ALCAM: variants seen among roughly 807,000 people sequenced by gnomAD.
ALCAM encodes the protein activated leukocyte cell adhesion molecule.
Under a neutral mutation model 70.9 loss-of-function variants are expected in ALCAM, and 30 were observed. The ratio of observed to expected loss-of-function variants is 0.42; its 90% CI spans 0.32 to 0.57. The LOEUF (loss-of-function observed/expected upper bound fraction) is 0.57, where lower values mean the gene tolerates loss of function less well. Ranked by LOEUF, ALCAM falls within the 20% of genes least tolerant of loss-of-function variation. The pLI is 0.11. For synonymous variants in ALCAM, 249 were observed against 242.5 expected, an observed-to-expected ratio of 1.03 and a Z score of -0.25; for missense variants, 591 against 695.1, an observed-to-expected ratio of 0.85 and a Z score of 1.68.
chr3:105,448,499 A>G (rs915142673), intron 1 of ALCAM, among the ~76,000 whole-genome samples: 3 of 151,968 alleles, frequency 2.0e-5, no homozygotes, highest in Non-Finnish European at 1.5e-5. Context: ...TTTTTAGCCA[A>G]TTCCAACCTA....
At chr3:105,384,240 CAT>C (rs1396976732) in intron 1 of ALCAM, among the ~76,000 whole-genome samples, 1 of 151,562 alleles carries the variant, frequency 6.6e-6, no homozygotes, top group African/African-American at 2.4e-5. Context: ...TTGAAACCAA[CAT>C]ATCATTTTGA....
chr3:105,528,309 C>G (rs927512111), intron 3 of ALCAM, among the ~76,000 whole-genome samples: 1 of 152,114 alleles, frequency 6.6e-6, no homozygotes, highest in Non-Finnish European at 1.5e-5. Flanking sequence ...GGCTAATGTT[C>G]ATAGCTCTTA....
chr3:105,424,701 A>G (rs1161237070), intron 1 of ALCAM, among the ~76,000 whole-genome samples: 3 of 151,770 alleles, frequency 2.0e-5, no homozygotes. Flanking sequence ...CAAGATTAGC[A>G]AGACAAGTGA....
Position 105,369,990 on chromosome 3 carries a change from A to G in ALCAM, c.73+2509A>G, listed in dbSNP as rs902178683. ...ACATTTTGTATTGCTTAAAAAAAGA[A>G]TGCTTTTCTGGATTATTTACAAGGA... On this transcript the variant is annotated intron_variant, in intron 1 of 15. Coordinates refer to ENST00000306107, the MANE Select transcript of ALCAM (RefSeq NM_001627.4). Among the ~76,000 whole-genome samples the G allele has an allele frequency of 2.0e-5, 3 of 151,956 alleles. No individual in the cohort carries two copies. The East Asian group carries it at 5.8e-4, about 29-fold the overall frequency.
intron 1 of ALCAM, among the ~76,000 whole-genome samples, chr3:105,387,550 T>C (rs1935691134): frequency 6.6e-6 from 1 of 151,662 alleles, no homozygotes; most frequent in Non-Finnish European, 1.5e-5. Flanking sequence ...ACAGATTCTA[T>C]GTAAATAGTC....
intron 1 of ALCAM, among the ~76,000 whole-genome samples, chr3:105,485,396 T>TGTGC (rs397990703): frequency 1.4e-5 from 2 of 143,418 alleles, no homozygotes; most frequent in African/African-American, 5.2e-5. Flanking sequence ...TGTGTGTGTG[T>TGTGC]GCGCGCACAT....
chr3:105,483,220 C>G lies in ALCAM; in HGVS notation c.74-36847C>G, dbSNP rs556171810. Among the ~76,000 whole-genome samples, 10 of 152,178 alleles carry G rather than the reference C, an allele frequency of 6.6e-5. No homozygotes were observed. In the South Asian group the frequency reaches 1.9e-3, roughly 28 times the overall value. On this transcript the variant is annotated intron_variant, in intron 1 of 15. Coordinates refer to ENST00000306107, the MANE Select transcript of ALCAM (RefSeq NM_001627.4). ...ACAATAAAGTAAATGAGGGGAGAAG[C>G]TATATCTTAGTCATCGTTTACTCAT...
At position 105,498,136 on chromosome 3, in the gene ALCAM, A is replaced by C. The variant is rs116261883; in HGVS notation, c.74-21931A>C. Among the ~76,000 whole-genome samples the C allele has an allele frequency of 8.9e-3, 1,353 of 152,180 alleles. 16 individuals carry two copies. The highest frequency in any genetic ancestry group is 0.015 in the African/African-American group (608 of 41,518). ...CATTATCGACTTAATGCTGAAAGAT[A>C]AGTGTGATTGTCCCTGCTTTACAGT... On this transcript the variant is annotated intron_variant, in intron 1 of 15. Coordinates refer to ENST00000306107, the MANE Select transcript of ALCAM (RefSeq NM_001627.4).
intron 1 of ALCAM, among the ~76,000 whole-genome samples, chr3:105,443,486 A>G (rs1171482379): frequency 6.6e-6 from 1 of 152,244 alleles, no homozygotes; most frequent in African/African-American, 2.4e-5. Flanking sequence ...TATCTAAAAG[A>G]CATTGAATAA....
chr3:105,450,380 A>C (rs1937398448), intron 1 of ALCAM, among the ~76,000 whole-genome samples: 1 of 151,786 alleles, frequency 6.6e-6, no homozygotes, highest in Admixed American at 6.6e-5. Context: ...ATCTCATACC[A>C]CCTCCTTTAC....
chr3:105,568,026 CT>C (rs1940780346), intron 14 of ALCAM, among the ~76,000 whole-genome samples: 3 of 146,066 alleles, frequency 2.1e-5, no homozygotes, highest in Admixed American at 2.1e-4. Flanking sequence ...ATGTCTAGTT[CT>C]TTTATTTTAT....
chr3:105,416,638 C>T (rs1013611114), intron 1 of ALCAM, among the ~76,000 whole-genome samples: 1 of 151,876 alleles, frequency 6.6e-6, no homozygotes, highest in Non-Finnish European at 1.5e-5. Flanking sequence ...TACCACCATT[C>T]GACCAATTTT....
intron 1 of ALCAM, among the ~76,000 whole-genome samples, chr3:105,484,495 C>T (rs936356603): frequency 2.2e-4 from 34 of 151,928 alleles, no homozygotes; most frequent in African/African-American, 5.8e-4. Flanking sequence ...TATTACTAGT[C>T]AATATTAATA....
At chr3:105,563,667 C>CTTTTTTTTTTTTTTTTTTTTTTTTT (rs749625480) in intron 14 of ALCAM, among the ~76,000 whole-genome samples, 3 of 52,034 alleles carry the variant, frequency 5.8e-5, no homozygotes, top group African/African-American at 1.0e-4. Context: ...CCAAGCATTT[C>CTTTTTTTTTTTTTTTTTTTTTTTTT]TTTTTTTTTT....
At chr3:105,467,031 CTCAACT>C (rs1170307895) in intron 1 of ALCAM, among the ~76,000 whole-genome samples, 1 of 151,316 alleles carries the variant, frequency 6.6e-6, no homozygotes, top group Non-Finnish European at 1.5e-5. Context: ...GAGTTTAATT[CTCAACT>C]TTACCATTTA....
chr3:105,455,873 T>C (rs543562704), intron 1 of ALCAM, among the ~76,000 whole-genome samples: 66 of 152,302 alleles, frequency 4.3e-4, no homozygotes, highest in African/African-American at 1.5e-3. Flanking sequence ...GCAGATCACT[T>C]GAGGCCAGGA....
intron 1 of ALCAM, among the ~76,000 whole-genome samples, chr3:105,390,939 G>A (rs1021644723): frequency 6.6e-6 from 1 of 152,020 alleles, no homozygotes; most frequent in Non-Finnish European, 1.5e-5. Context: ...CTTCTGTTCT[G>A]TTCCATTGGT....
At chr3:105,512,644 A>C (rs982274480) in intron 1 of ALCAM, among the ~76,000 whole-genome samples, 5 of 151,940 alleles carry the variant, frequency 3.3e-5, no homozygotes, top group Non-Finnish European at 7.4e-5. Flanking sequence ...TAGTTCCCAA[A>C]TGAAGTCAAC....
intron 1 of ALCAM, among the ~76,000 whole-genome samples, chr3:105,413,008 TG>T (rs1285760847): frequency 6.6e-6 from 1 of 152,148 alleles, no homozygotes; most frequent in African/African-American, 2.4e-5. Flanking sequence ...GCTTAAGTTT[TG>T]CTTGGGTTCT....
Sources: allele counts gnomAD v4.1 joint callset (sites outside exome capture counted in the v4.1 genomes callset), GRCh38; gene constraint gnomAD v4.1.1; transcripts MANE v1.5; gene names NCBI Gene and HGNC (gene_info 2026-07-23, HGNC 2026-07-21).